ATP2A3: variants seen among roughly 807,000 people sequenced by gnomAD.
ATP2A3 encodes the protein sarcoplasmic/endoplasmic reticulum calcium ATPase 3.
Under a neutral mutation model 106.8 loss-of-function variants are expected in ATP2A3, and 61 were observed. The ratio of observed to expected loss-of-function variants is 0.57; its 90% CI spans 0.46 to 0.71. The LOEUF (loss-of-function observed/expected upper bound fraction) is 0.71, where lower values mean the gene tolerates loss of function less well. Ranked by LOEUF, ATP2A3 falls within the 30% of genes least tolerant of loss-of-function variation. The pLI, the probability that ATP2A3 is intolerant of heterozygous loss-of-function variation, is 0.00. For missense variants in ATP2A3, 1,201 were observed against 1,423.5 expected (o/e 0.84, Z 2.52); for synonymous variants, 611 against 609.3 (o/e 1.00, Z -0.04).
chr17:3,946,768 G>A (rs1249045797), intron 8 of ATP2A3, among the ~76,000 whole-genome samples: 1 of 152,116 alleles, frequency 6.6e-6, no homozygotes, highest in Non-Finnish European at 1.5e-5. Flanking sequence ...AGGCACTGGG[G>A]ACCTGGGAAG....
chr17:3,927,953 G>A, intron 20 of ATP2A3: 1 of 1,613,188 alleles, frequency 6.2e-7, no homozygotes, highest in Non-Finnish European at 8.5e-7. Context: ...CACCGCCTCT[G>A]CGCAAATTCC....
intron 14 of ATP2A3, 70 bp downstream of exon 14, chr17:3,940,901 C>G: frequency 6.5e-7 from 1 of 1,547,042 alleles, no homozygotes; most frequent in Non-Finnish European, 8.9e-7. Context: ...GAGAGTTGCA[C>G]GGCTTGCTCT....
chr17:3,955,646 T>G lies in ATP2A3; in HGVS notation c.119-1936A>C, dbSNP rs549547279. Among the ~76,000 whole-genome samples, 18 of 152,234 alleles carry G rather than the reference T, an allele frequency of 1.2e-4. No homozygotes were observed. The highest frequency in any genetic ancestry group is 4.1e-4 in the African/African-American group (17 of 41,546). ...ACCCCAGCCATGCCCCAGCCTCGAA[T>G]CAGGACAGCACTAACCTCATGGTGC... On this transcript the variant is annotated intron_variant, in intron 1 of 20. Transcript: ENST00000397041. The surrounding 1 kb of genome is among the most constrained non-coding windows in gnomAD (Gnocchi z 4.2).
chr17:3,929,073 C>T lies in ATP2A3; in HGVS notation c.2862+255G>A, dbSNP rs1331028409. ...CCTGTTGGGAGGCGGGAGGATTCTG[C>T]CCTGGGAAAGCTCGTCCTTCCTCCC... On this transcript the variant is annotated intron_variant, in intron 19 of 20. Coordinates refer to ENST00000397041, the MANE Select transcript of ATP2A3 (RefSeq NM_005173.4). This position sits in a 1 kb window ranked among gnomAD's most constrained non-coding sequence, Gnocchi z 4.3. 6.6e-6 allele frequency among the ~76,000 whole-genome samples: 1 copy of T among 152,196 alleles called. No homozygotes were observed. The highest frequency in any genetic ancestry group is 1.5e-5 in the Non-Finnish European group (1 of 68,034).
chr17:3,964,402 C>T lies in ATP2A3; in HGVS notation c.-111G>A, dbSNP rs1188559693. 1.0e-5 allele frequency: 5 copies of T among 489,984 alleles called. No individual in the cohort carries two copies. The Admixed American group carries it at 2.3e-4, about 23-fold the overall frequency. 30.4% of individuals were successfully genotyped at this position (489,984 alleles called of 1,614,324 possible). ...GGCCCGGGCGGGCGCCGCGCGAGGC[C>T]ATGTCCGTGCTGGGACCTTACCCGA... On this transcript the variant is annotated 5_prime_UTR_variant, in exon 1 of 21. An upstream start codon of the reference 5' UTR is lost. Transcript: ENST00000397041.
chr17:3,936,627 C>G lies in ATP2A3; in HGVS notation c.2322-158G>C. ...AGCTGTGATGTGAAGGGTGTGTGTA[C>G]ACAGCTCTGCCTCGGGCCTGGCCAG... On this transcript the variant is annotated intron_variant, in intron 15 of 20. Transcript: ENST00000397041. This position sits in a 1 kb window ranked among gnomAD's most constrained non-coding sequence, Gnocchi z 5.4. 1 of 781,720 alleles carries G rather than the reference C, an allele frequency of 1.3e-6. No individual in the cohort carries two copies. The highest frequency in any genetic ancestry group is 1.7e-5 in the African/African-American group (1 of 58,670). 48.4% of individuals were successfully genotyped at this position (781,720 alleles called of 1,614,324 possible). A position where few individuals can be genotyped will look rare whatever the true frequency, so the allele number is the denominator to read the frequency against.
Position 3,947,366 on chromosome 17 carries a change from C to A in ATP2A3, c.1095+25G>T, listed in dbSNP as rs762726707. 5.0e-6 allele frequency: 8 copies of A among 1,613,348 alleles called. No homozygotes were observed. In the South Asian group the frequency reaches 7.7e-5, roughly 16 times the overall value. On this transcript the variant is annotated intron_variant, in intron 8 of 20. Coordinates refer to ENST00000397041, the MANE Select transcript of ATP2A3 (RefSeq NM_005173.4). This position sits in a 1 kb window ranked among gnomAD's most constrained non-coding sequence, Gnocchi z 7.7. ...GCCCAGCCTGCTCTGCAACGCACAGCAACACCAAGCTGGCCGTCACTCACC... is the reference window on the plus strand; with the variant it reads ...GCCCAGCCTGCTCTGCAACGCACAGAAACACCAAGCTGGCCGTCACTCACC...
chr17:3,934,411 G>T (rs924530784), intron 17 of ATP2A3, among the ~76,000 whole-genome samples: 5 of 151,834 alleles, frequency 3.3e-5, no homozygotes, highest in South Asian at 4.1e-4. Flanking sequence ...GTAGAGATGG[G>T]GTCTCACTGT....
At chr17:3,956,101 C>T (rs1439332157) in intron 1 of ATP2A3, among the ~76,000 whole-genome samples, 2 of 151,972 alleles carry the variant, frequency 1.3e-5, no homozygotes, top group Non-Finnish European at 2.9e-5. Flanking sequence ...AGGCTGGTCT[C>T]GAACTCCTGA....
intron 17 of ATP2A3, among the ~76,000 whole-genome samples, chr17:3,931,251 AG>A (rs2053064003): frequency 6.6e-6 from 1 of 152,202 alleles, no homozygotes; most frequent in South Asian, 2.1e-4. Context: ...TGAATTGCCA[AG>A]GTGCAGCTGT....
intron 1 of ATP2A3, among the ~76,000 whole-genome samples, chr17:3,954,799 G>A (rs2054673932): frequency 6.6e-6 from 1 of 152,166 alleles, no homozygotes. Flanking sequence ...AGGCCTAGGT[G>A]CTGATTTTTA....
intron 1 of ATP2A3, among the ~76,000 whole-genome samples, chr17:3,958,440 C>G (rs1446010697): frequency 1.3e-5 from 2 of 152,138 alleles, no homozygotes; most frequent in Non-Finnish European, 2.9e-5. Flanking sequence ...GTTCACAGAG[C>G]TTCAGTGGCT....
At chr17:3,943,271 C>CA (rs55661659) in intron 11 of ATP2A3, 120 bp downstream of exon 11, 140,207 of 1,266,554 alleles carry the variant, frequency 0.11, 4 homozygotes, top group East Asian at 0.31. Flanking sequence ...GACTCCGTCT[C>CA]AAAAAAAAAA....
chr17:3,935,640 C>CG (rs1210196838), intron 16 of ATP2A3, among the ~76,000 whole-genome samples: 2 of 149,578 alleles, frequency 1.3e-5, no homozygotes, highest in Non-Finnish European at 2.9e-5. Flanking sequence ...TGGGTTCAAG[C>CG]GATTCTCCTG....
At position 3,925,075 on chromosome 17, in the gene ATP2A3, G is replaced by A. The variant is rs748142798; in HGVS notation, c.*347C>T. ...GGGGGAGCAAGCTCCAGCTGCACTC[G>A]TGATTTGGGGGTGGGGGGGCCCCGG... On this transcript the variant is annotated 3_prime_UTR_variant, in exon 21 of 21. Transcript: ENST00000397041. The surrounding 1 kb of genome is among the most constrained non-coding windows in gnomAD (Gnocchi z 4.2). 44 of 503,580 alleles carry A rather than the reference G, an allele frequency of 8.7e-5. No homozygotes were observed. The highest frequency in any genetic ancestry group is 1.5e-4 in the Non-Finnish European group (41 of 275,706). The allele number at this position is 503,580 out of a possible 1,614,324, so 31.2% of individuals were successfully genotyped here.
intron 17 of ATP2A3, 162 bp downstream of exon 17, chr17:3,935,030 C>T (rs1597588782): frequency 1.3e-5 from 10 of 764,320 alleles, no homozygotes; most frequent in East Asian, 2.7e-5. Context: ...CTGGGTTTCC[C>T]GTGGGCTCTG....
chr17:3,936,122 C>A lies in ATP2A3; in HGVS notation c.2524+145G>T. The A allele has an allele frequency of 9.2e-7, 1 of 1,084,290 alleles. No homozygotes were observed. Among genetic ancestry groups the A allele is most frequent in the Non-Finnish European group, 1.4e-6 (1 of 725,276 alleles). 67.2% of individuals were successfully genotyped at this position (1,084,290 alleles called of 1,614,324 possible). ...CAGTGATACTGAGACCCAGATCCCG[C>A]CATGCCTGGTCTTTTCCATTACATG... On this transcript the variant is annotated intron_variant, in intron 16 of 20. Coordinates refer to ENST00000397041, the MANE Select transcript of ATP2A3 (RefSeq NM_005173.4). This position sits in a 1 kb window ranked among gnomAD's most constrained non-coding sequence, Gnocchi z 5.4.
At chr17:3,934,483 T>C (rs1474158997) in intron 17 of ATP2A3, among the ~76,000 whole-genome samples, 2 of 151,472 alleles carry the variant, frequency 1.3e-5, no homozygotes, top group East Asian at 1.9e-4. Flanking sequence ...AGTACTAGGA[T>C]TACAGGCGTC....
intron 8 of ATP2A3, among the ~76,000 whole-genome samples, chr17:3,946,279 C>T (rs1456983756): frequency 6.6e-6 from 1 of 150,824 alleles, no homozygotes; most frequent in African/African-American, 2.4e-5. Flanking sequence ...GGGCCGGGCA[C>T]GGTGGCTCAG....
Sources: gnomAD v4.1 joint callset for allele counts (sites outside exome capture counted in the v4.1 genomes callset) on GRCh38, gnomAD v4.1.1 for gene constraint, Gnocchi (gnomAD v3.1) non-coding constraint, MANE v1.5 for transcripts, NCBI Gene and HGNC (gene_info 2026-07-23, HGNC 2026-07-21) for gene names.